LRRC61: variants seen among roughly 807,000 people sequenced by gnomAD.
The protein encoded by LRRC61 is leucine-rich repeat-containing protein 61.
In LRRC61, 9 loss-of-function variants were observed where a neutral mutation model predicts 15.1. That is an observed-to-expected ratio of 0.60 (90% CI 0.36 to 1.04). The LOEUF (loss-of-function observed/expected upper bound fraction) is 1.04. Among genes scored for constraint, LRRC61 ranks in the 50% least tolerant of loss-of-function variants. The pLI, the probability that LRRC61 is intolerant of heterozygous loss-of-function variation, is 0.01. For synonymous variants in LRRC61, 173 were observed against 158.6 expected (o/e 1.09, Z -0.68); for missense variants, 344 against 335.6 (o/e 1.03, Z -0.20).
the LRRC61 span, among the ~76,000 whole-genome samples, chr7:150,312,106 T>C: frequency 6.6e-6 from 1 of 152,130 alleles, no homozygotes; most frequent in Admixed American, 6.6e-5. Flanking sequence ...GCCAACAAAA[T>C]AGCCAAGGAA....
chr7:150,326,110 T>G (rs1344724624), intron 2 of LRRC61, 100 bp downstream of exon 2: 1 of 152,230 alleles, frequency 6.6e-6, no homozygotes, highest in African/African-American at 2.4e-5. Flanking sequence ...CCTCCCCGCC[T>G]CATAGCACCA....
At chr7:150,329,416 A>G (rs1297863094) in intron 2 of LRRC61, among the ~76,000 whole-genome samples, 1 of 152,240 alleles carries the variant, frequency 6.6e-6, no homozygotes, top group Non-Finnish European at 1.5e-5. Flanking sequence ...AAGGGAGCGA[A>G]TCAGTCCCAT....
upstream of LRRC61, among the ~76,000 whole-genome samples, chr7:150,318,952 T>C (rs1797209292): frequency 1.3e-5 from 2 of 152,164 alleles, no homozygotes; most frequent in Admixed American, 6.5e-5. Flanking sequence ...ATAATGGGTG[T>C]GGGCCCTGTA....
intron 2 of LRRC61, chr7:150,331,535 A>T (rs944527041): frequency 3.3e-5 from 6 of 180,226 alleles, no homozygotes; most frequent in African/African-American, 1.4e-4. Context: ...TACTTCCTTT[A>T]CGTCTAGCAG....
At position 150,337,344 on chromosome 7, in the gene LRRC61, C is replaced by T. The variant is rs754024922; in HGVS notation, c.483C>T (p.Asp161=). ...RELLPGLKVI[D]GERVIGRGSE... ...TGCTGCCTGGCCTGAAAGTCATCGA[C>T]GGTGAGCGTGTGATTGGGCGTGGTA... Residue 161 remains aspartate (D), a synonymous_variant, in exon 3 of 3, where the codon GAC becomes GAT. Coordinates refer to ENST00000359623, the MANE Select transcript of LRRC61 (RefSeq NM_001142928.2). 1.7e-5 allele frequency: 28 copies of T among 1,604,422 alleles called. No homozygotes were observed. The highest frequency in any genetic ancestry group is 1.3e-4 in the African/African-American group (10 of 74,928).
chr7:150,328,039 A>G (rs1798000121), intron 2 of LRRC61, among the ~76,000 whole-genome samples: 1 of 152,226 alleles, frequency 6.6e-6, no homozygotes, highest in South Asian at 2.1e-4. Flanking sequence ...CAGGTTTGGA[A>G]CAAGAGATGG....
the LRRC61 span, among the ~76,000 whole-genome samples, chr7:150,317,202 G>A: frequency 6.6e-6 from 1 of 151,758 alleles, no homozygotes; most frequent in Non-Finnish European, 1.5e-5. Flanking sequence ...CAGGCGTGCA[G>A]CATGCCCGGC....
At chr7:150,324,531 A>T (rs936752846) in intron 1 of LRRC61, 13 of 152,290 alleles carry the variant, frequency 8.5e-5, no homozygotes, top group African/African-American at 2.9e-4. Flanking sequence ...TTACAGATGT[A>T]CGGCTCCCCG....
the LRRC61 span, among the ~76,000 whole-genome samples, chr7:150,316,860 A>AC: frequency 3.3e-5 from 5 of 152,040 alleles, no homozygotes; most frequent in African/African-American, 1.2e-4. Flanking sequence ...TTTAGGGAGA[A>AC]CCGATATCTT....
At chr7:150,331,044 G>C (rs1182560328) in intron 2 of LRRC61, 10 of 1,612,028 alleles carry the variant, frequency 6.2e-6, no homozygotes, top group Non-Finnish European at 7.6e-6. Flanking sequence ...TGACCCCCTG[G>C]CTTACTGGGA....
At chr7:150,327,108 G>A (rs1268411725) in intron 2 of LRRC61, among the ~76,000 whole-genome samples, 1 of 151,804 alleles carries the variant, frequency 6.6e-6, no homozygotes, top group African/African-American at 2.4e-5. Context: ...TTACCCTGGT[G>A]AGTAATGTTT....
At position 150,333,543 on chromosome 7, in the gene LRRC61, G is replaced by C. The variant is rs925071475; in HGVS notation, c.-144-3175G>C. The stretch of plus-strand genomic sequence containing the variant: ...TGAAGCGTTCCTCCCCCTAGACTTA[G>C]CTCTGCCCTGTGGGCCTCATTTCCC... On this transcript the variant is annotated intron_variant, in intron 2 of 2. Transcript: ENST00000359623. This position sits in a 1 kb window ranked among gnomAD's most constrained non-coding sequence, Gnocchi z 4.3. Among the ~76,000 whole-genome samples the C allele has an allele frequency of 6.6e-6, 1 of 152,196 alleles. No homozygotes were observed. Among genetic ancestry groups the C allele is most frequent in the Non-Finnish European group, 1.5e-5 (1 of 68,028 alleles).
rs1798180627 is a variant in LRRC61 at position 150,333,552 on chromosome 7, T to C, written c.-144-3166T>C. 6.6e-6 allele frequency among the ~76,000 whole-genome samples: 1 copy of C among 152,224 alleles called. No homozygotes were observed. Among genetic ancestry groups the C allele is most frequent in the Non-Finnish European group, 1.5e-5 (1 of 68,038 alleles). ...CCTCCCCCTAGACTTAGCTCTGCCC[T>C]GTGGGCCTCATTTCCCAGGCAGAAG... On this transcript the variant is annotated intron_variant, in intron 2 of 2. Transcript: ENST00000359623. This position sits in a 1 kb window ranked among gnomAD's most constrained non-coding sequence, Gnocchi z 4.3.
At chr7:150,321,932 C>T (rs541921514), upstream of LRRC61, among the ~76,000 whole-genome samples, 1 of 152,298 alleles carries the variant, frequency 6.6e-6, no homozygotes, top group Admixed American at 6.5e-5. Flanking sequence ...ACTAGGGAAG[C>T]CTGCCCCCGG....
Position 150,337,121 on chromosome 7 carries a change from T to TGA in LRRC61, c.261_262dup (p.Thr88ArgfsTer71). 1 of 1,612,122 alleles carries TGA rather than the reference T, an allele frequency of 6.2e-7. No individual in the cohort carries two copies. The highest frequency in any genetic ancestry group is 8.5e-7 in the Non-Finnish European group (1 of 1,179,864). On this transcript the variant is annotated frameshift_variant, in exon 3 of 3. Transcript: ENST00000359623. LOFTEE classifies it high-confidence loss of function. ...GTGCTCAATGTCTCCAACAATCGGC[T>TGA]GACGGGCCTGGAGCCACTGGCCACC...
At position 150,336,989 on chromosome 7, in the gene LRRC61, T is replaced by C. The variant is rs367708333; in HGVS notation, c.128T>C (p.Leu43Pro). The change falls in exon 3 of 3, where the codon CTG becomes CCG. Residue 43 changes from leucine (L) to proline (P), a missense_variant. Leu to Pro is a moderately conservative substitution (Grantham distance 98, BLOSUM62 -3). Transcript: ENST00000359623. ...ILLLKLRGLG[L>P]ADLGCLGECL... The stretch of plus-strand genomic sequence containing the variant: ...CTACTGAAGCTGCGTGGCTTGGGAC[T>C]GGCTGACCTGGGCTGCCTGGGAGAG... The C allele has an allele frequency of 2.0e-5, 32 of 1,613,844 alleles. No individual in the cohort carries two copies. The highest frequency in any genetic ancestry group is 2.7e-5 in the African/African-American group (2 of 74,962).
At chr7:150,316,195 C>T in the LRRC61 span, among the ~76,000 whole-genome samples, 1 of 152,152 alleles carries the variant, frequency 6.6e-6, no homozygotes, top group Non-Finnish European at 1.5e-5. Flanking sequence ...GAAACTCTGT[C>T]TCAAAAAACA....
Position 150,337,011 on chromosome 7 carries a change from AGAGTGCCTGGGCCTG to A in LRRC61, c.156_170del (p.Cys52_Glu56del). On this transcript the variant is annotated inframe_deletion, in exon 3 of 3. Coordinates refer to ENST00000359623, the MANE Select transcript of LRRC61 (RefSeq NM_001142928.2). The stretch of plus-strand genomic sequence containing the variant: ...GACTGGCTGACCTGGGCTGCCTGGG[AGAGTGCCTGGGCCTG>A]GAGTGGCTGGACCTATCAGGCAACG... The A allele has an allele frequency of 1.2e-6, 2 of 1,613,818 alleles. No homozygotes were observed. Among genetic ancestry groups the A allele is most frequent in the African/African-American group, 1.3e-5 (1 of 75,058 alleles).
rs975024940 is a variant in LRRC61 at position 150,335,894 on chromosome 7, C to T, written c.-144-824C>T. Among the ~76,000 whole-genome samples, 18 of 152,216 alleles carry T rather than the reference C, an allele frequency of 1.2e-4. No homozygotes were observed. Among genetic ancestry groups the T allele is most frequent in the African/African-American group, 4.3e-4 (18 of 41,450 alleles). On this transcript the variant is annotated intron_variant, in intron 2 of 2. Transcript: ENST00000359623. This position sits in a 1 kb window ranked among gnomAD's most constrained non-coding sequence, Gnocchi z 4.3. ...GCCCCTCCCGGCTTTCTGGAGCCAC[C>T]CTTCCCTCCCTCCAAGACAGCCTGC... is the stretch of plus-strand genomic sequence containing the variant.
Sources: allele counts gnomAD v4.1 joint callset (sites outside exome capture counted in the v4.1 genomes callset), GRCh38; gene constraint gnomAD v4.1.1; non-coding constraint Gnocchi (gnomAD v3.1); transcripts MANE v1.5; gene names NCBI Gene and HGNC (gene_info 2026-07-23, HGNC 2026-07-21).